LCORL: variants seen among roughly 807,000 people sequenced by gnomAD.
The protein encoded by LCORL is ligand-dependent nuclear receptor corepressor-like protein.
A neutral mutation model predicts 141.8 loss-of-function variants in LCORL; 41 were observed. The ratio of observed to expected loss-of-function variants is 0.29; its 90% CI spans 0.23 to 0.38. The LOEUF (loss-of-function observed/expected upper bound fraction) is 0.38. Among genes scored for constraint, LCORL ranks in the 10% least tolerant of loss-of-function variants. The pLI, the probability that LCORL is intolerant of heterozygous loss-of-function variation, is 1.00. For synonymous variants in LCORL, 618 were observed against 694.1 expected (o/e 0.89, Z 1.72); for missense variants, 1,759 against 2,035.0 (o/e 0.86, Z 2.61).
chr4:17,887,308 A>G (rs1728405073), intron 5 of LCORL, among the ~76,000 whole-genome samples: 1 of 152,060 alleles, frequency 6.6e-6, no homozygotes, highest in Non-Finnish European at 1.5e-5. Context: ...CAACACCACA[A>G]CCAGCACCAC....
At chr4:17,874,645 C>A (rs1266471009) in exon 7 of LCORL, 1 of 1,233,604 alleles carries the variant, frequency 8.1e-7, no homozygotes, top group Non-Finnish European at 1.0e-6. Flanking sequence ...TGCACCCAAG[C>A]ATTTGTTATT....
chr4:17,863,159 T>C (rs1725202066), intron 7 of LCORL, among the ~76,000 whole-genome samples: 2 of 152,098 alleles, frequency 1.3e-5, no homozygotes, highest in South Asian at 2.1e-4. Context: ...CTACTAAAGA[T>C]ACAATAATTA....
At chr4:17,849,109 GACAA>G (rs1334285358) in intron 7 of LCORL, among the ~76,000 whole-genome samples, 2 of 152,256 alleles carry the variant, frequency 1.3e-5, no homozygotes, top group Admixed American at 6.5e-5. Context: ...GCAGGGCACA[GACAA>G]ACAAAAAGAC....
chr4:17,918,329 C>T (rs896842843), intron 4 of LCORL, among the ~76,000 whole-genome samples: 30 of 151,934 alleles, frequency 2.0e-4, no homozygotes, highest in African/African-American at 6.5e-4. Flanking sequence ...GACATAAAAA[C>T]GTACCACACA....
chr4:17,843,419 A>AAGTT (rs769341221), exon 8 of LCORL: 40 of 1,610,892 alleles, frequency 2.5e-5, no homozygotes, highest in South Asian at 1.8e-4. Flanking sequence ...ATGAAGATCT[A>AAGTT]AGTTAGGAAA....
chr4:18,007,963 T>C (rs1441877607), intron 1 of LCORL, among the ~76,000 whole-genome samples: 3 of 151,910 alleles, frequency 2.0e-5, no homozygotes, highest in African/African-American at 7.3e-5. Flanking sequence ...GAGTAGTATG[T>C]AAAAAAAATA....
At chr4:17,904,270 A>C (rs922106163) in intron 5 of LCORL, among the ~76,000 whole-genome samples, 1 of 151,976 alleles carries the variant, frequency 6.6e-6, no homozygotes, top group African/African-American at 2.4e-5. Context: ...TCTTCTTCTG[A>C]GACTTGTCTT....
At chr4:17,866,162 C>T (rs1452708730) in intron 7 of LCORL, among the ~76,000 whole-genome samples, 2 of 152,130 alleles carry the variant, frequency 1.3e-5, no homozygotes, top group African/African-American at 4.8e-5. Flanking sequence ...AATCCCACAC[C>T]TCAGCATTTT....
chr4:17,932,501 ACACT>A (rs2109428285), intron 4 of LCORL, among the ~76,000 whole-genome samples: 1 of 152,238 alleles, frequency 6.6e-6, no homozygotes, highest in African/African-American at 2.4e-5. Flanking sequence ...TACATAAGTG[ACACT>A]CAGTGAATTT....
At chr4:17,876,133 C>T (rs1228691211) in exon 7 of LCORL, 1 of 1,230,814 alleles carries the variant, frequency 8.1e-7, no homozygotes, top group Non-Finnish European at 1.0e-6. Context: ...TAGTTGGAAA[C>T]AGATGAACTT....
intron 5 of LCORL, among the ~76,000 whole-genome samples, chr4:17,888,732 C>T (rs1270871531): frequency 6.6e-6 from 1 of 152,130 alleles, no homozygotes; most frequent in East Asian, 1.9e-4. Flanking sequence ...TGGTAGAGTG[C>T]TAAAACCTAC....
At chr4:17,976,863 C>T (rs1210685126) in intron 1 of LCORL, among the ~76,000 whole-genome samples, 1 of 152,076 alleles carries the variant, frequency 6.6e-6, no homozygotes, top group African/African-American at 2.4e-5. Flanking sequence ...TCGTAATGTG[C>T]CTTTTTCTGA....
chr4:17,999,802 G>T (rs1007959902), intron 1 of LCORL, among the ~76,000 whole-genome samples: 1 of 152,122 alleles, frequency 6.6e-6, no homozygotes, highest in Non-Finnish European at 1.5e-5. Flanking sequence ...TTTTTGATAC[G>T]ATTTCTCAGT....
At chr4:17,962,182 A>G (rs1713945922) in intron 3 of LCORL, 150 bp from the exon 4 acceptor site, 1 of 447,456 alleles carries the variant, frequency 2.2e-6, no homozygotes, top group South Asian at 5.8e-5. Context: ...CATAAAATTC[A>G]GAATGAGTCA....
Position 18,008,197 on chromosome 4 carries a change from G to A in LCORL, c.154+13401C>T, listed in dbSNP as rs539578137. Among the ~76,000 whole-genome samples the A allele has an allele frequency of 5.3e-5, 8 of 152,260 alleles. No homozygotes were observed. In the South Asian group the frequency reaches 1.7e-3, roughly 32 times the overall value. Reference sequence around the variant, plus strand: ...ACTTAACACTGCAAGTCTGTGCCATGGAAAAGCCTTGCCCACTAACTCCAT... The same window carrying A: ...ACTTAACACTGCAAGTCTGTGCCATAGAAAAGCCTTGCCCACTAACTCCAT... On this transcript the variant is annotated intron_variant, in intron 1 of 7. Coordinates refer to ENST00000635767, the Ensembl canonical transcript of LCORL.
At chr4:17,897,431 C>T (rs1477722758) in intron 5 of LCORL, among the ~76,000 whole-genome samples, 1 of 151,378 alleles carries the variant, frequency 6.6e-6, no homozygotes, top group Admixed American at 6.6e-5. Flanking sequence ...TATTTTAAGT[C>T]TATTATGCCT....
intron 1 of LCORL, among the ~76,000 whole-genome samples, chr4:17,989,124 C>T (rs1412705895): frequency 6.6e-6 from 1 of 152,218 alleles, no homozygotes; most frequent in Non-Finnish European, 1.5e-5. Flanking sequence ...CACTTCTATA[C>T]AAATACCTGT....
At chr4:17,923,029 C>A (rs1323309992) in intron 4 of LCORL, among the ~76,000 whole-genome samples, 1 of 152,214 alleles carries the variant, frequency 6.6e-6, no homozygotes, top group African/African-American at 2.4e-5. Flanking sequence ...AACCCCAACA[C>A]CCCTGTTTGC....
intron 5 of LCORL, among the ~76,000 whole-genome samples, chr4:17,893,088 A>C (rs1186404892): frequency 6.6e-6 from 1 of 152,290 alleles, no homozygotes; most frequent in African/African-American, 2.4e-5. Flanking sequence ...CAGTTTAATG[A>C]ATTTTCATGA....
Sources: allele counts gnomAD v4.1 joint callset (sites outside exome capture counted in the v4.1 genomes callset), GRCh38; gene constraint gnomAD v4.1.1; transcripts MANE v1.5; gene names NCBI Gene and HGNC (gene_info 2026-07-23, HGNC 2026-07-21).